Variants in ZNF385D observed in about 807,000 individuals in gnomAD.
ZNF385D encodes zinc finger protein 385D.
In ZNF385D, 15 loss-of-function variants were observed where a neutral mutation model predicts 35.8. The observed-to-expected ratio is 0.42, with a 90% CI of 0.28 to 0.64. The LOEUF (loss-of-function observed/expected upper bound fraction) is 0.64, where lower values mean the gene tolerates loss of function less well. Ranked by LOEUF, ZNF385D falls within the 30% of genes least tolerant of loss-of-function variation. The probability of loss-of-function intolerance (pLI) is 0.23; values close to 1 mark genes in which losing one functional copy is unlikely to be tolerated. For missense variants in ZNF385D, 474 were observed against 494.6 expected, an observed-to-expected ratio of 0.96 and a Z score of 0.39; for synonymous variants, 212 against 186.8, an observed-to-expected ratio of 1.13 and a Z score of -1.10.
intron 3 of ZNF385D, among the ~76,000 whole-genome samples, chr3:21,939,806 CT>C (rs1701429123): frequency 6.6e-6 from 1 of 152,102 alleles, no homozygotes; most frequent in African/African-American, 2.4e-5. Context: ...GAATGGAAAG[CT>C]TTTCTATCAT....
At chr3:22,334,275 T>A (rs1695067804) in intron 2 of ZNF385D, among the ~76,000 whole-genome samples, 1 of 152,172 alleles carries the variant, frequency 6.6e-6, no homozygotes, top group Admixed American at 6.5e-5. Flanking sequence ...ATTTTTCACT[T>A]TTATTAGCTT....
chr3:21,729,781 T>G (rs1234417215), intron 1 of ZNF385D, among the ~76,000 whole-genome samples: 1 of 152,198 alleles, frequency 6.6e-6, no homozygotes, highest in African/African-American at 2.4e-5. Context: ...TGCCAGAAAC[T>G]AGGCCTACAG....
rs780458461 is a variant in ZNF385D, at chr3:21,911,395, AC to A, written c.326-246368del. 5.3e-5 allele frequency among the ~76,000 whole-genome samples: 8 copies of A among 152,074 alleles called. No homozygotes were observed. The East Asian group carries it at 1.4e-3, about 26-fold the overall frequency. ...TTATGGTGACAATATGCCCACTGTG[AC>A]AAGGTCATGCTGGGGAGAGGCTGGA... is the stretch of plus-strand genomic sequence containing the variant. On this transcript the variant is annotated intron_variant, in intron 3 of 5. Coordinates refer to the ZNF385D transcript ENST00000494108.
intron 3 of ZNF385D, among the ~76,000 whole-genome samples, chr3:22,001,572 C>G (rs990093215): frequency 6.6e-6 from 1 of 151,956 alleles, no homozygotes; most frequent in Admixed American, 6.6e-5. Flanking sequence ...CAGCACTAGA[C>G]AGAAAATCAA....
At chr3:22,169,528 A>C (rs906506871) in intron 2 of ZNF385D, among the ~76,000 whole-genome samples, 4 of 152,096 alleles carry the variant, frequency 2.6e-5, no homozygotes, top group African/African-American at 9.7e-5. Context: ...TTACTAGTTA[A>C]GTAAAGTGAC....
chr3:22,151,455 C>T (rs2125720163), intron 3 of ZNF385D, among the ~76,000 whole-genome samples: 3 of 152,156 alleles, frequency 2.0e-5, no homozygotes, highest in Non-Finnish European at 4.4e-5. Flanking sequence ...ATTGCAATTC[C>T]TACAGTTGAT....
intron 2 of ZNF385D, among the ~76,000 whole-genome samples, chr3:22,350,425 T>C (rs1312942161): frequency 1.6e-4 from 25 of 152,262 alleles, no homozygotes; most frequent in South Asian, 2.1e-4. Context: ...TAATAAAATA[T>C]TGACGATAAA....
intron 2 of ZNF385D, among the ~76,000 whole-genome samples, chr3:21,658,048 T>C (rs2066124784): frequency 6.6e-6 from 1 of 151,996 alleles, no homozygotes; most frequent in African/African-American, 2.4e-5. Flanking sequence ...AAATTTTCTG[T>C]CTTGGATTCT....
chr3:22,359,044 TAAA>T (rs869195055), intron 2 of ZNF385D, among the ~76,000 whole-genome samples: 1 of 115,082 alleles, frequency 8.7e-6, no homozygotes, highest in South Asian at 3.6e-4. Flanking sequence ...CTACCCGTAT[TAAA>T]ACAAACAAAC....
chr3:22,190,052 A>G (rs370230560), intron 2 of ZNF385D, among the ~76,000 whole-genome samples: 4 of 152,160 alleles, frequency 2.6e-5, no homozygotes, highest in African/African-American at 9.7e-5. Context: ...ATTAAATTCA[A>G]CAATAAAAAT....
intron 1 of ZNF385D, among the ~76,000 whole-genome samples, chr3:21,727,965 G>C (rs1019335266): frequency 6.6e-6 from 1 of 151,498 alleles, no homozygotes; most frequent in Non-Finnish European, 1.5e-5. Context: ...CATAAAAAAG[G>C]ATGAGTTCAT....
At chr3:21,597,845 TCC>T (rs1007985442) in intron 2 of ZNF385D, among the ~76,000 whole-genome samples, 1 of 152,106 alleles carries the variant, frequency 6.6e-6, no homozygotes, top group African/African-American at 2.4e-5. Context: ...GAAGGTGTGA[TCC>T]AACCTTCATC....
intron 2 of ZNF385D, among the ~76,000 whole-genome samples, chr3:22,341,840 C>A (rs1163895947): frequency 6.6e-6 from 1 of 152,136 alleles, no homozygotes. Context: ...AATACTATTT[C>A]TTGTAAATAA....
At chr3:22,028,672 T>C (rs1161689584) in intron 3 of ZNF385D, among the ~76,000 whole-genome samples, 2 of 152,202 alleles carry the variant, frequency 1.3e-5, no homozygotes, top group Non-Finnish European at 2.9e-5. Context: ...TGGGATGCCT[T>C]ATCCATGATC....
At chr3:22,205,804 C>A (rs1203102856) in intron 2 of ZNF385D, among the ~76,000 whole-genome samples, 1 of 151,560 alleles carries the variant, frequency 6.6e-6, no homozygotes, top group Non-Finnish European at 1.5e-5. Flanking sequence ...CCAGAGAAAA[C>A]CACCTTCACT....
At chr3:21,649,716 AAAAC>A (rs2065857555) in intron 2 of ZNF385D, among the ~76,000 whole-genome samples, 2 of 152,218 alleles carry the variant, frequency 1.3e-5, no homozygotes, top group Non-Finnish European at 2.9e-5. Flanking sequence ...AGTCAGCTAA[AAAAC>A]AAAAGGATAG....
chr3:21,561,689 AT>A (rs1340436397), intron 3 of ZNF385D, among the ~76,000 whole-genome samples: 1 of 152,154 alleles, frequency 6.6e-6, no homozygotes, highest in Non-Finnish European at 1.5e-5. Flanking sequence ...AGGGTGGGAG[AT>A]TGGGGAATGT....
intron 3 of ZNF385D, among the ~76,000 whole-genome samples, chr3:21,911,538 T>C (rs1385712878): frequency 2.0e-5 from 3 of 152,022 alleles, no homozygotes; most frequent in African/African-American, 7.2e-5. Flanking sequence ...TTTCACCTCA[T>C]AATGTTGTTT....
chr3:21,974,412 C>CA (rs1279207460), intron 3 of ZNF385D, among the ~76,000 whole-genome samples: 1 of 152,124 alleles, frequency 6.6e-6, no homozygotes, highest in South Asian at 2.1e-4. Flanking sequence ...TCACCAAATA[C>CA]AAAAATCATA....
Sources: gnomAD v4.1 joint callset for allele counts (sites outside exome capture counted in the v4.1 genomes callset) on GRCh38, gnomAD v4.1.1 for gene constraint, MANE v1.5 for transcripts, NCBI Gene and HGNC (gene_info 2026-07-23, HGNC 2026-07-21) for gene names.